WNT5B: variants seen among roughly 807,000 people sequenced by gnomAD.
The protein encoded by WNT5B is protein Wnt-5b.
A neutral mutation model predicts 36.5 loss-of-function variants in WNT5B; 18 were observed. The ratio of observed to expected loss-of-function variants is 0.49; its 90% confidence interval spans 0.34 to 0.73. The LOEUF (loss-of-function observed/expected upper bound fraction) is 0.73, where lower values mean the gene tolerates loss of function less well. WNT5B is among the 30% of genes least tolerant of loss of function. The probability of loss-of-function intolerance (pLI) is 0.01; values close to 1 mark genes in which losing one functional copy is unlikely to be tolerated. For synonymous variants in WNT5B, 213 were observed against 212.3 expected (o/e 1.00, Z -0.03); for missense variants, 424 against 508.4 (o/e 0.83, Z 1.60).
upstream of WNT5B, among the ~76,000 whole-genome samples, chr12:1,629,023 T>C (rs1470237997): frequency 6.6e-6 from 1 of 151,736 alleles, no homozygotes; most frequent in Non-Finnish European, 1.5e-5. Context: ...CTGCACATGT[T>C]AGAGCCATTT....
rs1386440528 is a variant in WNT5B at position 1,618,640 on chromosome 12, A to C, written c.-58+1497A>C. Among the ~76,000 whole-genome samples, 1 of 152,194 alleles carries C rather than the reference A, an allele frequency of 6.6e-6. No homozygotes were observed. Among genetic ancestry groups the C allele is most frequent in the Non-Finnish European group, 1.5e-5 (1 of 68,040 alleles). On this transcript the variant is annotated intron_variant, in intron 1 of 4. Transcript: ENST00000310594. The surrounding 1 kb of genome is among the most constrained non-coding windows in gnomAD (Gnocchi z 4.1). Reference sequence around the variant, plus strand: ...AACTATTTTATTAGTATTCAGGAGAAGGGAACTTCCTCTTTCTTATCATCT... The same window carrying C: ...AACTATTTTATTAGTATTCAGGAGACGGGAACTTCCTCTTTCTTATCATCT...
At position 1,633,450 on chromosome 12, in the gene WNT5B, G is replaced by A. The variant is rs1255466734; in HGVS notation, c.328+545G>A. ...CTTTTGAAAGAGATGTGTGAACATG[G>A]GGGAAGGGGTCAGACGAAAGAAAAG... On this transcript the variant is annotated intron_variant, in intron 3 of 4. Coordinates refer to ENST00000397196, the MANE Select transcript of WNT5B (RefSeq NM_032642.3). The surrounding 1 kb of genome is among the most constrained non-coding windows in gnomAD (Gnocchi z 4.8). Among the ~76,000 whole-genome samples, 3 of 152,154 alleles carry A rather than the reference G, an allele frequency of 2.0e-5. No homozygotes were observed. The highest frequency in any genetic ancestry group is 4.4e-5 in the Non-Finnish European group (3 of 68,034).
intron 3 of WNT5B, among the ~76,000 whole-genome samples, chr12:1,636,325 C>T (rs927670564): frequency 7.9e-5 from 12 of 151,646 alleles, no homozygotes; most frequent in African/African-American, 1.9e-4. Flanking sequence ...CACCCGTTAA[C>T]TGTCACTCTG....
At chr12:1,640,107 C>A in intron 4 of WNT5B, 131 bp downstream of exon 4, 2 of 1,074,488 alleles carry the variant, frequency 1.9e-6, no homozygotes, top group Non-Finnish European at 2.6e-6. Flanking sequence ...CCTACGATTG[C>A]AAATTTACAT....
At chr12:1,640,927 C>A (rs528837596) in intron 4 of WNT5B, among the ~76,000 whole-genome samples, 3 of 152,216 alleles carry the variant, frequency 2.0e-5, no homozygotes, top group Non-Finnish European at 4.4e-5. Context: ...GAAAGGTCTG[C>A]GGTCTGAGCA....
At chr12:1,626,853 C>G (rs1041509530), upstream of WNT5B, among the ~76,000 whole-genome samples, 1 of 152,218 alleles carries the variant, frequency 6.6e-6, no homozygotes, top group Admixed American at 6.5e-5. Context: ...TTGTGAGCCA[C>G]TGCGCCCGGC....
At chr12:1,626,132 AT>A (rs1297561429), upstream of WNT5B, among the ~76,000 whole-genome samples, 1 of 150,590 alleles carries the variant, frequency 6.6e-6, no homozygotes, top group Admixed American at 6.6e-5. Context: ...CTAACTTTAG[AT>A]TTTTTTGTAG....
At position 1,632,336 on chromosome 12, in the gene WNT5B, T is replaced by C. The variant is rs964492604; in HGVS notation, c.81-322T>C. On this transcript the variant is annotated intron_variant, in intron 2 of 4. Coordinates refer to ENST00000397196, the MANE Select transcript of WNT5B (RefSeq NM_032642.3). The surrounding 1 kb of genome is among the most constrained non-coding windows in gnomAD (Gnocchi z 5.8). ...ATCTGCCTGACCCCCATTCTTAAGA[T>C]CCAGTTCAAATTCTGGCCATTTCCT... Among the ~76,000 whole-genome samples, 1 of 152,140 alleles carries C rather than the reference T, an allele frequency of 6.6e-6. No homozygotes were observed. Among genetic ancestry groups the C allele is most frequent in the Non-Finnish European group, 1.5e-5 (1 of 68,032 alleles).
intron 3 of WNT5B, among the ~76,000 whole-genome samples, chr12:1,636,481 T>C (rs1345933473): frequency 7.3e-6 from 1 of 136,414 alleles, no homozygotes; most frequent in Non-Finnish European, 1.5e-5. Context: ...ATTTAAAGGT[T>C]CATCTGTGTT....
upstream of WNT5B, among the ~76,000 whole-genome samples, chr12:1,627,521 T>C (rs1235858972): frequency 2.6e-5 from 4 of 152,216 alleles, no homozygotes; most frequent in Admixed American, 2.6e-4. The surrounding 1 kb of genome is among the most constrained non-coding windows in gnomAD (Gnocchi z 5.0). Flanking sequence ...GCTTTACCTG[T>C]CCCGGTCTCT....
chr12:1,639,949 C>A lies in WNT5B; in HGVS notation c.594C>A (p.Asn198Lys). Residue 198 changes from asparagine to lysine, a missense_variant, in exon 4 of 5, where the codon AAC (asparagine) becomes AAA (lysine). By Grantham distance (94) the Asn-to-Lys change is moderately conservative. Transcript: ENST00000397196. ...GSEEQGRVLM[N>K]LQNNEAGRRA... ...AGGAGCAGGGCCGGGTGCTCATGAA[C>A]CTGCAAAACAACGAGGCCGGTCGCA... The A allele has an allele frequency of 6.2e-7, 1 of 1,613,656 alleles. No individual in the cohort carries two copies. The highest frequency in any genetic ancestry group is 2.2e-5 in the East Asian group (1 of 44,838).
chr12:1,626,651 G>A (rs567253744), upstream of WNT5B, among the ~76,000 whole-genome samples: 2 of 150,202 alleles, frequency 1.3e-5, no homozygotes, highest in African/African-American at 2.5e-5. Context: ...TGCACGCTCC[G>A]CCTCCCAGGT....
upstream of WNT5B, among the ~76,000 whole-genome samples, chr12:1,627,092 C>T (rs1004441041): frequency 3.9e-5 from 6 of 152,154 alleles, no homozygotes; most frequent in Admixed American, 3.9e-4. This position sits in a 1 kb window ranked among gnomAD's most constrained non-coding sequence, Gnocchi z 5.0. Flanking sequence ...TTCCATGGCA[C>T]ATTAAATGCT....
intron 3 of WNT5B, 122 bp from the exon 4 acceptor site, chr12:1,639,562 C>T (rs58317077): frequency 0.33 from 363,447 of 1,105,278 alleles, 62,535 homozygotes; most frequent in East Asian, 0.48. Flanking sequence ...GGAAGCGAAG[C>T]CCCCTGCCCC....
At chr12:1,631,164 A>T (rs1592524829) in intron 1 of WNT5B, 134 bp from the exon 2 acceptor site, 1 of 746,114 alleles carries the variant, frequency 1.3e-6, no homozygotes, top group African/African-American at 1.8e-5. Context: ...CGGAGGCTGG[A>T]AAGAGGCCGA....
At chr12:1,640,423 G>A in intron 4 of WNT5B, among the ~76,000 whole-genome samples, 1 of 152,282 alleles carries the variant, frequency 6.6e-6, no homozygotes, top group Middle Eastern at 3.4e-3. Flanking sequence ...AAGAACTGCT[G>A]TCATACGTAT....
At chr12:1,643,686 C>CTTT (rs368172169) in intron 4 of WNT5B, among the ~76,000 whole-genome samples, 30 of 97,450 alleles carry the variant, frequency 3.1e-4, no homozygotes, top group Non-Finnish European at 4.7e-4. Flanking sequence ...TTTTTGAAAG[C>CTTT]TTTTTTTTTT....
At chr12:1,631,536 C>A in intron 2 of WNT5B, 102 bp downstream of exon 2, 1 of 1,563,708 alleles carries the variant, frequency 6.4e-7, no homozygotes, top group Non-Finnish European at 8.7e-7. Context: ...TACCTTGATT[C>A]CTGGGAGTAC....
intron 3 of WNT5B, among the ~76,000 whole-genome samples, chr12:1,638,139 C>T (rs995770892): frequency 3.3e-5 from 5 of 151,898 alleles, no homozygotes; most frequent in South Asian, 2.1e-4. Context: ...TCCCATATAC[C>T]GGAGGCTGAG....
Sources: allele counts gnomAD v4.1 joint callset (sites outside exome capture counted in the v4.1 genomes callset), GRCh38; gene constraint gnomAD v4.1.1; non-coding constraint Gnocchi (gnomAD v3.1); transcripts MANE v1.5; gene names NCBI Gene and HGNC (gene_info 2026-07-23, HGNC 2026-07-21).